GATM: variants seen among roughly 807,000 people sequenced by gnomAD.
The protein encoded by GATM is glycine amidinotransferase, mitochondrial.
GATM carries 23 observed loss-of-function variants against 54.2 expected under a neutral mutation model. That is an observed-to-expected ratio of 0.42 (90% confidence interval 0.31 to 0.60). The LOEUF (loss-of-function observed/expected upper bound fraction) is 0.60, where lower values mean the gene tolerates loss of function less well. Ranked by LOEUF, GATM falls within the 20% of genes least tolerant of loss-of-function variation. The pLI is 0.14. For missense variants in GATM, 401 were observed against 544.9 expected, an observed-to-expected ratio of 0.74 and a Z score of 2.63; for synonymous variants, 168 against 183.1, an observed-to-expected ratio of 0.92 and a Z score of 0.67.
At chr15:45,389,165 TAA>T (rs1889839998) in intron 3 of GATM, among the ~76,000 whole-genome samples, 2 of 152,256 alleles carry the variant, frequency 1.3e-5, no homozygotes, top group South Asian at 4.1e-4. Flanking sequence ...CCTTTAACAC[TAA>T]AAGTTTTTAA....
At position 45,368,042 on chromosome 15, in the gene GATM, A is replaced by G; in HGVS notation, c.675+28T>C. 1 of 1,600,024 alleles carries G rather than the reference A, an allele frequency of 6.2e-7. No individual in the cohort carries two copies. The highest frequency in any genetic ancestry group is 2.2e-5 in the East Asian group (1 of 44,806). On this transcript the variant is annotated intron_variant, in intron 4 of 8. Transcript: ENST00000396659. The surrounding 1 kb of genome is among the most constrained non-coding windows in gnomAD (Gnocchi z 5.1). The stretch of plus-strand genomic sequence containing the variant: ...TGTGGATCATTTAGAAAAGTTAGTA[A>G]TAAGCTAGCCTATAATTAGGGACTC...
chr15:45,368,768 CAGAAAAAAAAGAAA>C lies in GATM; in HGVS notation c.485-522_485-509del, dbSNP rs1308281944. Among the ~76,000 whole-genome samples, 4 of 148,434 alleles carry C rather than the reference CAGAAAAAAAAGAAA, an allele frequency of 2.7e-5. No homozygotes were observed. Among genetic ancestry groups the C allele is most frequent in the South Asian group, 2.2e-4 (1 of 4,638 alleles). On this transcript the variant is annotated intron_variant, in intron 3 of 8. Transcript: ENST00000396659. The surrounding 1 kb of genome is among the most constrained non-coding windows in gnomAD (Gnocchi z 5.1). Reference sequence around the variant, plus strand: ...TGAATTGTGTGGTGGGGGGGAAGCCCAGAAAAAAAAGAAAAGAAAAAAAAGTGAAGGAATAAAGT... The same window carrying C: ...TGAATTGTGTGGTGGGGGGGAAGCCCAGAAAAAAAAGTGAAGGAATAAAGT...
chr15:45,361,735 G>A lies in GATM; in HGVS notation c.*374C>T. 1 of 477,918 alleles carries A rather than the reference G, an allele frequency of 2.1e-6. No individual in the cohort carries two copies. The highest frequency in any genetic ancestry group is 4.9e-5 in the South Asian group (1 of 20,410). The allele number at this position is 477,918 out of a possible 1,614,324, so 29.6% of individuals were successfully genotyped here. A position where few individuals can be genotyped will look rare whatever the true frequency, so the allele number is the denominator to read the frequency against. On this transcript the variant is annotated 3_prime_UTR_variant, in exon 9 of 9. Transcript: ENST00000396659. ...GAAAAACATTCTCAAGTCTATAGAA[G>A]AGGAAAAAAAATTAAGATTAGGACC...
intron 1 of GATM, chr15:45,378,167 T>G: frequency 2.1e-6 from 1 of 477,786 alleles, no homozygotes; most frequent in Non-Finnish European, 3.7e-6. Flanking sequence ...GCAACGCAAG[T>G]TCCCCCTGAC....
At chr15:45,386,305 T>C (rs1566845091) in intron 3 of GATM, among the ~76,000 whole-genome samples, 1 of 152,264 alleles carries the variant, frequency 6.6e-6, no homozygotes, top group Non-Finnish European at 1.5e-5. Flanking sequence ...GGGTAACCTT[T>C]ATATTCTTCT....
chr15:45,389,567 C>T (rs376674321), intron 3 of GATM, among the ~76,000 whole-genome samples: 3 of 152,192 alleles, frequency 2.0e-5, no homozygotes, highest in Admixed American at 6.5e-5. Flanking sequence ...CCTCAGTCAC[C>T]TGAATAGCTG....
In GATM at chr15:45,364,812, G is replaced by A. The variant is rs2140639775; in HGVS notation, c.1027C>T (p.Pro343Ser). Reference sequence around the variant, plus strand: ...GTAAACATACCGTCTGGGATGATTGGTGTTGGAGGAGTAATGATAGTCCAT... The same window carrying A: ...GTAAACATACCGTCTGGGATGATTGATGTTGGAGGAGTAATGATAGTCCAT... ...AGWTIITPPTPIIPDDHPLWM... is the reference protein window; with the variant it reads ...AGWTIITPPTSIIPDDHPLWM... Residue 343 changes from proline (P) to serine (S), a missense_variant, in exon 7 of 9, where the codon CCA becomes TCA. This residue lies in a region of GATM where 321 missense variants were observed against 457.5 expected (regional missense o/e 0.70). Transcript: ENST00000396659. 6.2e-7 allele frequency: 1 copy of A among 1,613,476 alleles called. No individual in the cohort carries two copies. Among genetic ancestry groups the A allele is most frequent in the East Asian group, 2.2e-5 (1 of 44,854 alleles).
intron 3 of GATM, among the ~76,000 whole-genome samples, chr15:45,393,089 C>T (rs866735265): frequency 9.2e-5 from 14 of 152,124 alleles, no homozygotes; most frequent in African/African-American, 3.4e-4. Flanking sequence ...TGTGGTATTC[C>T]CAGCATATAG....
intron 1 of GATM, chr15:45,378,068 G>C (rs1157661868): frequency 3.2e-6 from 1 of 317,376 alleles, no homozygotes; most frequent in Admixed American, 5.3e-5. Flanking sequence ...AGCGCACCAA[G>C]GTCCGGTAGA....
chr15:45,364,282 G>A (rs2140639090), intron 7 of GATM: 1 of 445,376 alleles, frequency 2.2e-6, no homozygotes, highest in Middle Eastern at 6.6e-4. Context: ...GGAGGCTGAG[G>A]CAGGAGGATT....
At chr15:45,387,670 C>T (rs2140672457) in intron 3 of GATM, among the ~76,000 whole-genome samples, 3 of 152,312 alleles carry the variant, frequency 2.0e-5, no homozygotes, top group Admixed American at 2.0e-4. Flanking sequence ...TTTGTGGAAT[C>T]AATTGCCTAG....
At chr15:45,364,051 T>C (rs200313504) in intron 7 of GATM, 35 bp from the exon 8 acceptor site, 2 of 1,248,860 alleles carry the variant, frequency 1.6e-6, no homozygotes, top group South Asian at 2.4e-5. Context: ...CCATGTCCGC[T>C]ATCATTTTTG....
chr15:45,364,660 TC>T (rs1470791951), intron 7 of GATM, 136 bp downstream of exon 7: 2 of 772,608 alleles, frequency 2.6e-6, no homozygotes, highest in African/African-American at 3.5e-5. Context: ...ATGCTCACAG[TC>T]CCAAGCACCA....
intron 3 of GATM, chr15:45,396,265 C>G (rs1244995963): frequency 6.6e-6 from 1 of 152,174 alleles, no homozygotes; most frequent in Non-Finnish European, 1.5e-5. Flanking sequence ...TGATCTTACA[C>G]AATACTGGGT....
In GATM at chr15:45,363,626, C is replaced by A. The variant is rs564700848; in HGVS notation, c.1159+274G>T. ...TCACCTGCAAAGGGGTGGTTTTCTG[C>A]ACATGGGCACCAAAACGTTGGCTAA... On this transcript the variant is annotated intron_variant, in intron 8 of 8. Coordinates refer to ENST00000396659, the MANE Select transcript of GATM (RefSeq NM_001482.3). 16 of 533,130 alleles carry A rather than the reference C, an allele frequency of 3.0e-5. No individual in the cohort carries two copies. In the East Asian group the frequency reaches 5.0e-4, roughly 17 times the overall value. The allele number at this position is 533,130 out of a possible 1,614,324, so 33.0% of individuals were successfully genotyped here. A position where few individuals can be genotyped will look rare whatever the true frequency, so the allele number is the denominator to read the frequency against.
In GATM at chr15:45,376,579, CAT is replaced by C. The variant is rs748043870; in HGVS notation, c.288+20_288+21del. On this transcript the variant is annotated intron_variant, in intron 2 of 8. Coordinates refer to ENST00000396659, the MANE Select transcript of GATM (RefSeq NM_001482.3). The stretch of plus-strand genomic sequence containing the variant: ...GGTGAGGAGGGAGCGCACTTTCAGA[CAT>C]GTGAATAGCCTTCCTTTACCTTCAC... 24 of 1,609,490 alleles carry C rather than the reference CAT, an allele frequency of 1.5e-5. No homozygotes were observed. The African/African-American group carries it at 3.1e-4, about 21-fold the overall frequency.
chr15:45,388,106 C>T (rs1260085090), intron 3 of GATM, among the ~76,000 whole-genome samples: 2 of 152,122 alleles, frequency 1.3e-5, no homozygotes, highest in African/African-American at 4.8e-5. Context: ...CCTCAGTCAG[C>T]CCCCCAGAGT....
intron 1 of GATM, 79 bp downstream of exon 1, chr15:45,378,306 G>A: frequency 1.7e-6 from 2 of 1,144,508 alleles, no homozygotes. Flanking sequence ...CTCCGGGCAG[G>A]GAGCGAGCGA....
At chr15:45,396,653 G>A (rs1037542130) in intron 3 of GATM, among the ~76,000 whole-genome samples, 1 of 152,014 alleles carries the variant, frequency 6.6e-6, no homozygotes, top group African/African-American at 2.4e-5. Flanking sequence ...GGCGGGTCAT[G>A]AGGTCAGGAG....
Sources: allele counts gnomAD v4.1 joint callset (sites outside exome capture counted in the v4.1 genomes callset), GRCh38; gene constraint gnomAD v4.1.1; regional missense constraint gnomAD v4.1.1; non-coding constraint Gnocchi (gnomAD v3.1); transcripts MANE v1.5; gene names NCBI Gene and HGNC (gene_info 2026-07-23, HGNC 2026-07-21).